Variants in KCNH1 observed in about 807,000 individuals in gnomAD.
KCNH1 encodes the protein voltage-gated delayed rectifier potassium channel KCNH1.
In KCNH1, 27 loss-of-function variants were observed where a neutral mutation model predicts 69.2. The ratio of observed to expected loss-of-function variants is 0.39; its 90% CI spans 0.29 to 0.54. The LOEUF is 0.54. Ranked by LOEUF, KCNH1 falls within the 20% of genes least tolerant of loss-of-function variation. The pLI, the probability that KCNH1 is intolerant of heterozygous loss-of-function variation, is 0.68. For missense variants in KCNH1, 798 were observed against 1,261.6 expected (o/e 0.63, Z 5.57); for synonymous variants, 456 against 487.7 (o/e 0.93, Z 0.86).
chr1:210,859,890 A>G (rs1685938604), intron 7 of KCNH1: 2 of 1,262,786 alleles, frequency 1.6e-6, no homozygotes, highest in African/African-American at 1.5e-5. Context: ...TAAGGTATTT[A>G]GTAATAGGTA....
At chr1:210,687,164 T>C (rs1475917919) in intron 10 of KCNH1, among the ~76,000 whole-genome samples, 1 of 152,202 alleles carries the variant, frequency 6.6e-6, no homozygotes, top group Non-Finnish European at 1.5e-5. Flanking sequence ...TCTTCAGATA[T>C]TGAGGAGTCA....
intron 10 of KCNH1, among the ~76,000 whole-genome samples, chr1:210,739,107 T>C (rs1034633798): frequency 1.3e-5 from 2 of 152,230 alleles, no homozygotes; most frequent in Non-Finnish European, 2.9e-5. Flanking sequence ...TCTACTGATA[T>C]TCTAGGAATG....
At chr1:210,944,860 A>G (rs1687931606) in intron 6 of KCNH1, among the ~76,000 whole-genome samples, 1 of 152,220 alleles carries the variant, frequency 6.6e-6, no homozygotes, top group Admixed American at 6.5e-5. Flanking sequence ...ATTCATCTCC[A>G]GAAATTTTTC....
intron 1 of KCNH1, among the ~76,000 whole-genome samples, chr1:211,112,508 A>AC (rs1173002817): frequency 1.3e-5 from 2 of 150,232 alleles, no homozygotes; most frequent in East Asian, 4.1e-4. Flanking sequence ...AAATAAAAAA[A>AC]AAAAAAAAAA....
At chr1:210,916,067 G>T (rs921227447) in intron 7 of KCNH1, among the ~76,000 whole-genome samples, 3 of 152,092 alleles carry the variant, frequency 2.0e-5, no homozygotes, top group Non-Finnish European at 4.4e-5. Context: ...TGGTGTAAGT[G>T]CAGGCTGTGG....
At chr1:210,861,337 C>T in intron 7 of KCNH1, 1 of 789,832 alleles carries the variant, frequency 1.3e-6, no homozygotes, top group South Asian at 1.3e-5. Flanking sequence ...CCATATATTG[C>T]TTCTCGTTGT....
intron 7 of KCNH1, among the ~76,000 whole-genome samples, chr1:210,813,187 C>G (rs1264463142): frequency 1.3e-5 from 2 of 152,138 alleles, no homozygotes; most frequent in Non-Finnish European, 2.9e-5. Flanking sequence ...GTCATGAAGA[C>G]AGTAACCTAG....
At chr1:210,964,283 G>C (rs957028347) in intron 6 of KCNH1, among the ~76,000 whole-genome samples, 2 of 152,288 alleles carry the variant, frequency 1.3e-5, no homozygotes, top group East Asian at 3.9e-4. Flanking sequence ...AGCTCCTGAA[G>C]GAAGCACTAA....
At chr1:211,021,172 G>T (rs1172434417) in intron 5 of KCNH1, among the ~76,000 whole-genome samples, 1 of 152,100 alleles carries the variant, frequency 6.6e-6, no homozygotes, top group Non-Finnish European at 1.5e-5. Flanking sequence ...TGGGAAGGGG[G>T]TAGGGGATAA....
chr1:210,691,153 T>C (rs1048775544), intron 10 of KCNH1, among the ~76,000 whole-genome samples: 6 of 152,220 alleles, frequency 3.9e-5, no homozygotes, highest in African/African-American at 1.4e-4. Context: ...GTATTACTCT[T>C]TGTGGGGGCT....
intron 9 of KCNH1, among the ~76,000 whole-genome samples, chr1:210,782,738 A>G (rs919125383): frequency 5.9e-5 from 9 of 152,176 alleles, no homozygotes; most frequent in Admixed American, 5.2e-4. Flanking sequence ...AAAAAAAAAG[A>G]AAGAAAGAAA....
intron 3 of KCNH1, among the ~76,000 whole-genome samples, chr1:211,092,744 T>C (rs1691074261): frequency 6.6e-6 from 1 of 152,116 alleles, no homozygotes; most frequent in African/African-American, 2.4e-5. Context: ...CAAAGTAAAG[T>C]GTCACAGCAA....
intron 1 of KCNH1, among the ~76,000 whole-genome samples, chr1:211,124,266 A>G (rs953895493): frequency 6.6e-6 from 1 of 152,216 alleles, no homozygotes; most frequent in African/African-American, 2.4e-5. Flanking sequence ...CCTGCTTCAG[A>G]CAGAACACAG....
intron 6 of KCNH1, among the ~76,000 whole-genome samples, chr1:210,969,271 T>C (rs1317342216): frequency 2.6e-5 from 4 of 152,050 alleles, no homozygotes; most frequent in Non-Finnish European, 5.9e-5. Context: ...GTGATTTTAC[T>C]GATCTTACAG....
intron 10 of KCNH1, among the ~76,000 whole-genome samples, chr1:210,717,206 C>T (rs549752659): frequency 1.3e-5 from 2 of 152,280 alleles, no homozygotes; most frequent in South Asian, 4.1e-4. Flanking sequence ...AGGCCCTCAG[C>T]TAGAGCCTGG....
chr1:210,937,205 G>A (rs550390994), intron 6 of KCNH1, among the ~76,000 whole-genome samples: 1 of 152,104 alleles, frequency 6.6e-6, no homozygotes, highest in Non-Finnish European at 1.5e-5. Flanking sequence ...CACTCCCACT[G>A]CTTCTCAGAA....
chr1:210,828,100 C>T (rs1282222971), intron 7 of KCNH1, among the ~76,000 whole-genome samples: 1 of 152,108 alleles, frequency 6.6e-6, no homozygotes, highest in Non-Finnish European at 1.5e-5. Context: ...TTCTCAGCCT[C>T]CCAAAGTGCT....
Position 210,707,056 on chromosome 1 carries a change from TGTGTGTGTGTGCGCGCGCAC to T in KCNH1, c.2113-22938_2113-22919del, listed in dbSNP as rs367732279. 3.9e-3 allele frequency among the ~76,000 whole-genome samples: 595 copies of T among 152,084 alleles called. 5 individuals carry two copies. Among genetic ancestry groups the T allele is most frequent in the African/African-American group, 0.014 (565 of 41,512 alleles). ...CAGATATTTGTATGTGAGGGGTATG[TGTGTGTGTGTGCGCGCGCAC>T]GTGTATGTGTGTAGGGATTGGCATA... On this transcript the variant is annotated intron_variant, in intron 10 of 10. Transcript: ENST00000271751.
rs1685926572 is a variant in KCNH1, at chr1:210,859,416, C to G, written c.1463-55250G>C. On this transcript the variant is annotated intron_variant, in intron 7 of 10. Transcript: ENST00000271751. ...GAAAGATAGCTTTAAATACCTGATA[C>G]TCATCAACAGGGTTATCTTCATCAT... 3.1e-6 allele frequency: 5 copies of G among 1,604,130 alleles called. No homozygotes were observed. The East Asian group carries it at 1.1e-4, about 36-fold the overall frequency.
Sources: gnomAD v4.1 joint callset for allele counts (sites outside exome capture counted in the v4.1 genomes callset) on GRCh38, gnomAD v4.1.1 for gene constraint, MANE v1.5 for transcripts, NCBI Gene and HGNC (gene_info 2026-07-23, HGNC 2026-07-21) for gene names.